The following PCDHA2 variants were observed in gnomAD, a reference collection of about 807,000 sequenced individuals.
PCDHA2 encodes the protein protocadherin alpha-2.
Under a neutral mutation model 66.0 loss-of-function variants are expected in PCDHA2, and 58 were observed. That is an observed-to-expected ratio of 0.88 (90% CI 0.71 to 1.09). The LOEUF is 1.09. Ranked by LOEUF, PCDHA2 falls within the 50% of genes least tolerant of loss-of-function variation. The probability of loss-of-function intolerance (pLI) is 0.00; values close to 1 mark genes in which losing one functional copy is unlikely to be tolerated. For missense variants in PCDHA2, 1,267 were observed against 1,242.3 expected (o/e 1.02, Z -0.30); for synonymous variants, 634 against 554.0 (o/e 1.14, Z -2.03).
At chr5:140,826,553 C>A (rs2150080050) in intron 1 of PCDHA2, among the ~76,000 whole-genome samples, 1 of 152,176 alleles carries the variant, frequency 6.6e-6, no homozygotes, top group South Asian at 2.1e-4. Flanking sequence ...TATTTTTCTC[C>A]TTTGAAGGAG....
chr5:140,800,456 T>C (rs903680879), intron 1 of PCDHA2, among the ~76,000 whole-genome samples: 1 of 152,176 alleles, frequency 6.6e-6, no homozygotes, highest in African/African-American at 2.4e-5. Context: ...AAAGTAGATA[T>C]ATGTATGTTT....
intron 3 of PCDHA2, among the ~76,000 whole-genome samples, chr5:140,990,912 A>G (rs1415853627): frequency 1.3e-5 from 2 of 152,148 alleles, no homozygotes; most frequent in African/African-American, 4.8e-5. Context: ...CAAGTTTTAT[A>G]AGTCTTTAAA....
chr5:140,829,371 CG>C (rs1770257793), intron 1 of PCDHA2: 9 of 1,614,198 alleles, frequency 5.6e-6, no homozygotes, highest in Non-Finnish European at 6.8e-6. Flanking sequence ...GTGGTAACCG[CG>C]CGGGACGGGG....
At chr5:140,798,301 A>G (rs1188009123) in intron 1 of PCDHA2, among the ~76,000 whole-genome samples, 2 of 152,252 alleles carry the variant, frequency 1.3e-5, no homozygotes, top group Non-Finnish European at 2.9e-5. Context: ...TATGTTTTTT[A>G]TAAGTAAAAT....
chr5:140,891,820 G>A (rs1341896388), intron 1 of PCDHA2, among the ~76,000 whole-genome samples: 1 of 152,102 alleles, frequency 6.6e-6, no homozygotes, highest in African/African-American at 2.4e-5. Context: ...TAAATTAACG[G>A]CACTGTAAAA....
rs781892845 is a variant in PCDHA2, at chr5:140,795,999, T to C, written c.1035T>C (p.Asp345=). 2 of 1,614,060 alleles carry C rather than the reference T, an allele frequency of 1.2e-6. No homozygotes were observed. Among genetic ancestry groups the C allele is most frequent in the Non-Finnish European group, 1.7e-6 (2 of 1,180,036 alleles). The change falls in exon 1 of 4, where the codon GAT becomes GAC. Residue 345 remains aspartate (D), a synonymous_variant. Coordinates refer to ENST00000526136, the MANE Select transcript of PCDHA2 (RefSeq NM_018905.3). ...CATTAAAACTTGTGGACATCAATGA[T>C]AACACACCAGAAGTCTCAATAACGT... ...KISLKLVDIN[D]NTPEVSITSL...
intron 1 of PCDHA2, chr5:140,851,942 G>T: frequency 1.0e-6 from 1 of 967,952 alleles, no homozygotes; most frequent in Non-Finnish European, 1.2e-6. Flanking sequence ...TGTAGTATGT[G>T]ACTTTCAAAA....
chr5:140,798,311 T>G (rs536333380), intron 1 of PCDHA2, among the ~76,000 whole-genome samples: 1 of 152,234 alleles, frequency 6.6e-6, no homozygotes, highest in Non-Finnish European at 1.5e-5. Context: ...ATAAGTAAAA[T>G]AACCCATTAT....
At chr5:140,820,539 T>C (rs2150107248) in intron 1 of PCDHA2, among the ~76,000 whole-genome samples, 105 of 152,156 alleles carry the variant, frequency 6.9e-4, no homozygotes, top group African/African-American at 2.4e-3. Flanking sequence ...ATTTCTTCAA[T>C]AGAAAACTTG....
intron 1 of PCDHA2, among the ~76,000 whole-genome samples, chr5:140,897,064 CTT>C (rs1313385579): frequency 3.3e-5 from 5 of 152,042 alleles, no homozygotes; most frequent in Non-Finnish European, 4.4e-5. Flanking sequence ...AATACTATGT[CTT>C]ATTCATTTTT....
intron 1 of PCDHA2, chr5:140,801,615 CTG>C (rs1256154036): frequency 6.2e-7 from 1 of 1,613,990 alleles, no homozygotes; most frequent in Admixed American, 1.7e-5. Flanking sequence ...TGTAAAGAAT[CTG>C]TTTATTTCCG....
intron 1 of PCDHA2, among the ~76,000 whole-genome samples, chr5:140,890,049 G>T (rs1488374417): frequency 1.3e-5 from 2 of 152,158 alleles, no homozygotes; most frequent in Non-Finnish European, 2.9e-5. Flanking sequence ...GTGTGTTGGA[G>T]CTGGCTCTTT....
chr5:140,837,632 C>T (rs2150277792), intron 1 of PCDHA2, among the ~76,000 whole-genome samples: 69 of 151,222 alleles, frequency 4.6e-4, no homozygotes, highest in South Asian at 6.3e-4. Flanking sequence ...TTCCTTCCTT[C>T]CTTTCTTTCT....
Position 140,796,106 on chromosome 5 carries a change from C to A in PCDHA2, c.1142C>A (p.Thr381Lys), listed in dbSNP as rs781833045. The change falls in exon 1 of 4, where the codon ACG becomes AAG. Residue 381 changes from threonine to lysine, a missense_variant. Thr to Lys is a moderately conservative substitution (Grantham distance 78, BLOSUM62 -1). Coordinates refer to ENST00000526136, the MANE Select transcript of PCDHA2 (RefSeq NM_018905.3). Reference sequence around the variant, plus strand: ...ACGGTGTCGGATCGCGACTCTGGTACGAATGGACATGTCACCTGCTCCCTG... The same window carrying A: ...ACGGTGTCGGATCGCGACTCTGGTAAGAATGGACATGTCACCTGCTCCCTG... ...LITVSDRDSG[T>K]NGHVTCSLTP... is the part of the protein sequence containing the mutation. The A allele has an allele frequency of 8.1e-6, 13 of 1,614,096 alleles. No homozygotes were observed. In the Admixed American group the frequency reaches 2.0e-4, roughly 25 times the overall value.
Position 140,848,453 on chromosome 5 carries a change from T to C in PCDHA2, c.2388+51101T>C. On this transcript the variant is annotated intron_variant, in intron 1 of 3. Transcript: ENST00000526136. ...CGAAATCAGATGATTTCTTCTAATT[T>C]GGAGGCAATTTTCACTAATTAGAAG... is the stretch of plus-strand genomic sequence containing the variant. 2.0e-6 allele frequency: 3 copies of C among 1,519,952 alleles called. 1 individual carries two copies. Among genetic ancestry groups the C allele is most frequent in the Non-Finnish European group, 2.7e-6 (3 of 1,116,942 alleles). The allele number at this position is 1,519,952 out of a possible 1,614,324, so 94.2% of individuals were successfully genotyped here. A position where few individuals can be genotyped will look rare whatever the true frequency, so the allele number is the denominator to read the frequency against.
At chr5:140,892,550 A>G (rs1337911954) in intron 1 of PCDHA2, among the ~76,000 whole-genome samples, 1 of 152,202 alleles carries the variant, frequency 6.6e-6, no homozygotes, top group East Asian at 1.9e-4. Context: ...TTGTTTCTCT[A>G]GTCCTTGGAG....
intron 3 of PCDHA2, among the ~76,000 whole-genome samples, chr5:141,002,660 T>C (rs1366913026): frequency 1.3e-5 from 2 of 152,170 alleles, no homozygotes; most frequent in Admixed American, 1.3e-4. Context: ...AGGGCTCTTG[T>C]CAGGACCAAA....
In PCDHA2 at chr5:140,882,697, A is replaced by G. The variant is rs145968658; in HGVS notation, c.2388+85345A>G. 60 of 1,614,238 alleles carry G rather than the reference A, an allele frequency of 3.7e-5. No homozygotes were observed. The African/African-American group carries it at 6.5e-4, about 18-fold the overall frequency. On this transcript the variant is annotated intron_variant, in intron 1 of 3. Transcript: ENST00000526136. ...AAAGCAAGAAACGAATAATCATTGC[A>G]GAATCTAGACCTCCGGAAACTCGAT...
At chr5:140,917,137 C>A (rs868951388) in intron 1 of PCDHA2, among the ~76,000 whole-genome samples, 4 of 152,208 alleles carry the variant, frequency 2.6e-5, no homozygotes, top group African/African-American at 4.8e-5. Context: ...CCACGTTGCT[C>A]AGCTGCTGCT....
Sources: gnomAD v4.1 joint callset for allele counts (sites outside exome capture counted in the v4.1 genomes callset) on GRCh38, gnomAD v4.1.1 for gene constraint, MANE v1.5 for transcripts, NCBI Gene and HGNC (gene_info 2026-07-23, HGNC 2026-07-21) for gene names.